The following ECHDC1 variants were observed in gnomAD, a reference collection of about 807,000 sequenced individuals.
ECHDC1 encodes ethylmalonyl-CoA decarboxylase.
ECHDC1 carries 29 observed loss-of-function variants against 29.7 expected under a neutral mutation model. That is an observed-to-expected ratio of 0.98 (90% CI 0.73 to 1.33). The LOEUF is 1.33. ECHDC1 is among the 40% of genes most tolerant of loss of function. ECHDC1 has a pLI of 0.00. For synonymous variants in ECHDC1, 126 were observed against 123.1 expected (o/e 1.02, Z -0.15); for missense variants, 328 against 350.0 (o/e 0.94, Z 0.50).
chr6:127,311,291 T>C (rs572912516), intron 5 of ECHDC1, among the ~76,000 whole-genome samples: 7 of 152,274 alleles, frequency 4.6e-5, no homozygotes, highest in Non-Finnish European at 1.0e-4. Flanking sequence ...AACCGTAGTA[T>C]ATGTTGTCTA....
chr6:127,334,580 C>CT (rs1784268657), intron 1 of ECHDC1, among the ~76,000 whole-genome samples: 1 of 152,188 alleles, frequency 6.6e-6, no homozygotes, highest in East Asian at 1.9e-4. Context: ...AAGTCCAAAG[C>CT]TTTTTTTAAA....
At position 127,290,149 on chromosome 6, in the gene ECHDC1, G is replaced by T. The variant is rs1305870898; in HGVS notation, c.626C>A (p.Ala209Asp). Residue 209 changes from alanine (A) to aspartate (D), a missense_variant, in exon 6 of 6, where the codon GCC becomes GAC. By Grantham distance (126) the Ala-to-Asp change is moderately radical (BLOSUM62 -2). Transcript: ENST00000454859. ...AGCATTTTTTGAATCCAGTTTAAGG[G>T]CCCCACTCAACACTTTGAGAGCTTG... ...SRQALKVLSG[A>D]LKLDSKNALN... The T allele has an allele frequency of 6.2e-7, 1 of 1,613,554 alleles. No homozygotes were observed. The highest frequency in any genetic ancestry group is 1.7e-5 in the Admixed American group (1 of 59,918).
intron 2 of ECHDC1, among the ~76,000 whole-genome samples, chr6:127,328,034 A>G (rs1783524131): frequency 6.6e-6 from 1 of 152,258 alleles, no homozygotes; most frequent in South Asian, 2.1e-4. Flanking sequence ...TTGTACCACA[A>G]GGTTCCAAAA....
At chr6:127,323,947 G>C (rs567397815) in intron 3 of ECHDC1, among the ~76,000 whole-genome samples, 41 of 152,192 alleles carry the variant, frequency 2.7e-4, no homozygotes, top group African/African-American at 8.9e-4. Flanking sequence ...TTTTAAATTT[G>C]TTACTACTTC....
chr6:127,299,263 G>C (rs920931047), intron 5 of ECHDC1, among the ~76,000 whole-genome samples: 3 of 151,986 alleles, frequency 2.0e-5, no homozygotes, highest in Non-Finnish European at 4.4e-5. Context: ...AGGAATTCCA[G>C]AAGACAGCAT....
intron 5 of ECHDC1, among the ~76,000 whole-genome samples, chr6:127,301,306 T>C (rs868572977): frequency 6.6e-6 from 1 of 152,214 alleles, no homozygotes; most frequent in Non-Finnish European, 1.5e-5. Flanking sequence ...CATGAGTTCA[T>C]TTCTTTTATA....
chr6:127,320,408 A>G (rs1782742324), intron 3 of ECHDC1, among the ~76,000 whole-genome samples: 2 of 152,342 alleles, frequency 1.3e-5, no homozygotes, highest in South Asian at 4.1e-4. Flanking sequence ...TAGAAACATA[A>G]GCAACAGAGA....
At chr6:127,295,093 T>A (rs1780491624) in intron 5 of ECHDC1, among the ~76,000 whole-genome samples, 1 of 151,630 alleles carries the variant, frequency 6.6e-6, no homozygotes, top group Non-Finnish European at 1.5e-5. Context: ...GGATTACAGG[T>A]GCCCGCCACC....
intron 2 of ECHDC1, chr6:127,329,760 CCTTTTTTAAA>C: frequency 3.1e-6 from 1 of 324,426 alleles, no homozygotes; most frequent in Non-Finnish European, 6.1e-6. Flanking sequence ...CTTAATTTTA[CCTTTTTTAAA>C]TTTTTTTAAA....
At chr6:127,293,556 CTG>C (rs1780362603) in intron 5 of ECHDC1, among the ~76,000 whole-genome samples, 1 of 152,166 alleles carries the variant, frequency 6.6e-6, no homozygotes, top group Non-Finnish European at 1.5e-5. Context: ...CTTAACATCT[CTG>C]TGTCTCTTGA....
intron 1 of ECHDC1, among the ~76,000 whole-genome samples, chr6:127,335,147 T>A (rs921940376): frequency 6.6e-6 from 1 of 152,108 alleles, no homozygotes; most frequent in African/African-American, 2.4e-5. Flanking sequence ...ATATAAAGGT[T>A]ACAATACAAT....
chr6:127,299,461 A>C (rs1290601718), intron 5 of ECHDC1, among the ~76,000 whole-genome samples: 5 of 151,778 alleles, frequency 3.3e-5, no homozygotes, highest in African/African-American at 1.2e-4. Flanking sequence ...AAAAAAAAAA[A>C]ACTTTTAAAA....
intron 1 of ECHDC1, chr6:127,342,736 A>C (rs1785063845): frequency 4.7e-6 from 1 of 211,060 alleles, no homozygotes; most frequent in Non-Finnish European, 9.4e-6. Flanking sequence ...AGCACCTTCA[A>C]CCTAAACTTA....
At chr6:127,297,078 T>C (rs555535563) in intron 5 of ECHDC1, among the ~76,000 whole-genome samples, 4 of 152,278 alleles carry the variant, frequency 2.6e-5, no homozygotes, top group East Asian at 1.9e-4. Context: ...TCCTTACCCA[T>C]GAAATTGGCA....
intron 5 of ECHDC1, among the ~76,000 whole-genome samples, chr6:127,306,924 T>C (rs1484083276): frequency 6.6e-6 from 1 of 152,222 alleles, no homozygotes; most frequent in African/African-American, 2.4e-5. Context: ...ACCATATGTT[T>C]GGTCAAAAGA....
intron 2 of ECHDC1, 73 bp downstream of exon 2, chr6:127,330,736 G>GC: frequency 7.7e-7 from 1 of 1,305,270 alleles, no homozygotes; most frequent in Non-Finnish European, 1.1e-6. Context: ...TGTCACCACA[G>GC]CAAGGATAAA....
At chr6:127,313,191 TCAA>T (rs1782082604) in intron 5 of ECHDC1, 1 of 154,304 alleles carries the variant, frequency 6.5e-6, no homozygotes, top group South Asian at 2.0e-4. Context: ...AATTTGTAGC[TCAA>T]CAAATTTATT....
chr6:127,289,312 C>G lies in ECHDC1; in HGVS notation c.*557G>C, dbSNP rs1010811798. 6.6e-6 allele frequency: 1 copy of G among 151,952 alleles called. No individual in the cohort carries two copies. The highest frequency in any genetic ancestry group is 1.5e-5 in the Non-Finnish European group (1 of 67,974). 9.4% of individuals were successfully genotyped at this position (151,952 alleles called of 1,614,324 possible). ...ATAGAAAACTAATTATTGAAAAGAA[C>G]AAAGTTCCAAATTTGTAGTGGGTAG... On this transcript the variant is annotated 3_prime_UTR_variant, in exon 6 of 6. Transcript: ENST00000454859.
intron 1 of ECHDC1, chr6:127,341,629 T>A (rs1376665792): frequency 6.6e-6 from 1 of 152,118 alleles, no homozygotes; most frequent in Non-Finnish European, 1.5e-5. Flanking sequence ...ACAAGCTCAC[T>A]ACCAAGCCAC....
Sources: allele counts gnomAD v4.1 joint callset (sites outside exome capture counted in the v4.1 genomes callset), GRCh38; gene constraint gnomAD v4.1.1; transcripts MANE v1.5; gene names NCBI Gene and HGNC (gene_info 2026-07-23, HGNC 2026-07-21).